GREB1L: variants seen among roughly 807,000 people sequenced by gnomAD.
GREB1L encodes the protein GREB1 like retinoic acid receptor coactivator.
A neutral mutation model predicts 200.8 loss-of-function variants in GREB1L; 17 were observed. That is an observed-to-expected ratio of 0.08 (90% confidence interval 0.06 to 0.13). GREB1L has a LOEUF of 0.13. GREB1L is among the 10% of genes least tolerant of loss of function. The probability of loss-of-function intolerance (pLI) is 1.00; values close to 1 mark genes in which losing one functional copy is unlikely to be tolerated. For missense variants in GREB1L, 1,657 were observed against 2,367.7 expected (o/e 0.70, Z 6.23); for synonymous variants, 789 against 893.0 (o/e 0.88, Z 2.08).
rs192161147 is a variant in GREB1L at position 21,393,082 on chromosome 18, T to A, written c.356-2303T>A. On this transcript the variant is annotated intron_variant, in intron 4 of 32. Coordinates refer to ENST00000424526, the MANE Select transcript of GREB1L (RefSeq NM_001142966.3). ...CCACTGCACCTCGCCTCATCCAATG[T>A]TTTCATGGTGTTTTCTTTTTTATTT... Among the ~76,000 whole-genome samples, 214 of 152,302 alleles carry A rather than the reference T, an allele frequency of 1.4e-3. 2 individuals are homozygous for A. Among genetic ancestry groups the A allele is most frequent in the Non-Finnish European group, 3.8e-4 (26 of 68,042 alleles).
chr18:21,500,216 G>A lies in GREB1L; in HGVS notation c.3879G>A (p.Gln1293=), dbSNP rs929150599. The change falls in exon 22 of 33, where the codon CAG becomes CAA. Residue 1293 remains glutamine (Q), a synonymous_variant. Transcript: ENST00000424526. ...ACAGGCAGTGGACCTTGGCCCGGCAGCACCACGCTGACTATAGCAACCAGC... is the reference window on the plus strand; with the variant it reads ...ACAGGCAGTGGACCTTGGCCCGGCAACACCACGCTGACTATAGCAACCAGC... ...LYYRQWTLAR[Q]HHADYSNQLD... 18 of 1,540,274 alleles carry A rather than the reference G, an allele frequency of 1.2e-5. No homozygotes were observed. The highest frequency in any genetic ancestry group is 1.5e-5 in the Non-Finnish European group (17 of 1,142,054).
intron 1 of GREB1L, among the ~76,000 whole-genome samples, chr18:21,253,346 G>A (rs890263948): frequency 1.4e-5 from 2 of 148,060 alleles, no homozygotes; most frequent in African/African-American, 2.5e-5. Flanking sequence ...TCCACCTACC[G>A]GGTTCAAGTG....
intron 5 of GREB1L, among the ~76,000 whole-genome samples, chr18:21,399,854 G>A (rs1170199929): frequency 2.6e-5 from 4 of 152,088 alleles, no homozygotes; most frequent in African/African-American, 9.7e-5. Flanking sequence ...ATTTATAAAT[G>A]CTTTGAATTG....
At chr18:21,389,328 G>C (rs1009630237) in intron 4 of GREB1L, among the ~76,000 whole-genome samples, 14 of 128,042 alleles carry the variant, frequency 1.1e-4, no homozygotes, top group Non-Finnish European at 1.9e-4. Flanking sequence ...ATCATTATGG[G>C]GTGGGTTTTT....
At position 21,523,058 on chromosome 18, in the gene GREB1L, A is replaced by G. The variant is rs1193724677; in HGVS notation, c.*237A>G. 2.5e-6 allele frequency: 1 copy of G among 403,314 alleles called. No individual in the cohort carries two copies. Among genetic ancestry groups the G allele is most frequent in the Non-Finnish European group, 4.4e-6 (1 of 226,672 alleles). 25.0% of individuals were successfully genotyped at this position (403,314 alleles called of 1,614,324 possible). On this transcript the variant is annotated 3_prime_UTR_variant, in exon 33 of 33. Coordinates refer to ENST00000424526, the MANE Select transcript of GREB1L (RefSeq NM_001142966.3). ...AAACTCTATCCTAGGCAGTTATGCA[A>G]TTACTTAAGATACGGTCTGCCCATG...
chr18:21,500,407 CAG>C, intron 22 of GREB1L, 101 bp downstream of exon 22: 6 of 830,932 alleles, frequency 7.2e-6, no homozygotes, highest in Non-Finnish European at 1.2e-5. Context: ...GCAGGTGTGA[CAG>C]AGCAGTGAGG....
intron 1 of GREB1L, among the ~76,000 whole-genome samples, chr18:21,346,408 C>T (rs1188340944): frequency 6.6e-6 from 1 of 151,870 alleles, no homozygotes; most frequent in Admixed American, 6.6e-5. Flanking sequence ...CTTTGCTTAA[C>T]ACTCATTCAC....
At chr18:21,476,412 G>A (rs1232341785) in intron 16 of GREB1L, among the ~76,000 whole-genome samples, 4 of 152,020 alleles carry the variant, frequency 2.6e-5, no homozygotes, top group Non-Finnish European at 5.9e-5. Flanking sequence ...GAGAGAGCGG[G>A]AAAAGAAATT....
chr18:21,263,010 G>A (rs1198116098), intron 1 of GREB1L, among the ~76,000 whole-genome samples: 1 of 152,182 alleles, frequency 6.6e-6, no homozygotes, highest in East Asian at 1.9e-4. Flanking sequence ...GAGGTGGGGA[G>A]TATATGTAAT....
chr18:21,318,105 C>CAAAAAAAAAAAAAAAAA, intron 1 of GREB1L, among the ~76,000 whole-genome samples: 1 of 89,668 alleles, frequency 1.1e-5, no homozygotes, highest in Non-Finnish European at 2.4e-5. Context: ...GAGATTCCGT[C>CAAAAAAAAAAAAAAAAA]AAAAAAAAAA....
rs567310136 is a variant in GREB1L at position 21,486,999 on chromosome 18, G to A, written c.2690+1246G>A. ...TTCAGTAGATTATAATACTGCATCC[G>A]GAAAGAGCACAGGCTCAAGTACGGT... On this transcript the variant is annotated intron_variant, in intron 18 of 32. Transcript: ENST00000424526. Among the ~76,000 whole-genome samples the A allele has an allele frequency of 6.6e-5, 10 of 152,316 alleles. No individual in the cohort carries two copies. In the South Asian group the frequency reaches 1.9e-3, roughly 28 times the overall value.
At chr18:21,473,904 A>G (rs1003853343) in intron 16 of GREB1L, among the ~76,000 whole-genome samples, 2 of 152,114 alleles carry the variant, frequency 1.3e-5, no homozygotes, top group Non-Finnish European at 2.9e-5. Context: ...GCAAAGAGAG[A>G]ATGAGGAAGA....
intron 1 of GREB1L, among the ~76,000 whole-genome samples, chr18:21,343,730 A>ATTTT (rs36120644): frequency 4.2e-4 from 48 of 114,944 alleles, no homozygotes; most frequent in African/African-American, 1.2e-3. Context: ...GAGAAGAGAG[A>ATTTT]TTTTTTTTTT....
In GREB1L at chr18:21,268,405, T is replaced by C. The variant is rs1055218985; in HGVS notation, c.-120+26012T>C. Among the ~76,000 whole-genome samples, 27 of 150,514 alleles carry C rather than the reference T, an allele frequency of 1.8e-4. No homozygotes were observed. The Admixed American group carries it at 1.8e-3, about 10-fold the overall frequency. On this transcript the variant is annotated intron_variant, in intron 1 of 32. Transcript: ENST00000424526. ...CACCGTAGGTGGGAATCATAGTTCTTCTTGCTTGAAGTCCCCTGTTCCTCT... is the reference window on the plus strand; with the variant it reads ...CACCGTAGGTGGGAATCATAGTTCTCCTTGCTTGAAGTCCCCTGTTCCTCT...
rs1477212327 is a variant in GREB1L at position 21,449,637 on chromosome 18, C to A, written c.1521C>A (p.Leu507=). ...AQCVPVSPGQ[L]PWLARLIASV... ...GTGTCCCTGTGTCACCAGGACAACTCCCCTGGCTTGCTAGATTAATTGCCA... is the reference window on the plus strand; with the variant it reads ...GTGTCCCTGTGTCACCAGGACAACTACCCTGGCTTGCTAGATTAATTGCCA... Residue 507 remains leucine, a synonymous_variant, in exon 12 of 33, where the codon CTC becomes CTA. Coordinates refer to ENST00000424526, the MANE Select transcript of GREB1L (RefSeq NM_001142966.3). 1.3e-6 allele frequency: 2 copies of A among 1,551,322 alleles called. No individual in the cohort carries two copies. Among genetic ancestry groups the A allele is most frequent in the Non-Finnish European group, 1.7e-6 (2 of 1,146,796 alleles).
intron 7 of GREB1L, among the ~76,000 whole-genome samples, chr18:21,437,300 C>G (rs764443401): frequency 6.6e-6 from 1 of 152,130 alleles, no homozygotes; most frequent in Non-Finnish European, 1.5e-5. Flanking sequence ...TCAGGTCCAA[C>G]AATTCTTGCA....
chr18:21,257,004 CAAAAAAAAAAAAA>C (rs747739158), intron 1 of GREB1L, among the ~76,000 whole-genome samples: 1 of 62,110 alleles, frequency 1.6e-5, no homozygotes. Context: ...GACTCCGTCT[CAAAAAAAAAAAAA>C]AAAAAAAAGA....
rs191209551 is a variant in GREB1L at position 21,296,651 on chromosome 18, T to C, written c.-120+54258T>C. The stretch of plus-strand genomic sequence containing the variant: ...GCACCCCAATCATTCAGCTTTTCTT[T>C]GTTTTTTGTTTTTTTTTTTTTGAGA... On this transcript the variant is annotated intron_variant, in intron 1 of 32. Transcript: ENST00000424526. Among the ~76,000 whole-genome samples the C allele has an allele frequency of 1.7e-3, 264 of 151,440 alleles. 3 individuals are homozygous for C. The highest frequency in any genetic ancestry group is 0.012 in the East Asian group (64 of 5,166).
At chr18:21,324,759 G>A (rs1312885223) in intron 1 of GREB1L, among the ~76,000 whole-genome samples, 2 of 152,212 alleles carry the variant, frequency 1.3e-5, no homozygotes, top group Non-Finnish European at 2.9e-5. Flanking sequence ...GCAGTAAGCC[G>A]AGATCGTGCC....
Sources: gnomAD v4.1 joint callset for allele counts (sites outside exome capture counted in the v4.1 genomes callset) on GRCh38, gnomAD v4.1.1 for gene constraint, MANE v1.5 for transcripts, NCBI Gene and HGNC (gene_info 2026-07-23, HGNC 2026-07-21) for gene names.